IMMP2L: variants seen among roughly 807,000 people sequenced by gnomAD.
IMMP2L encodes the protein inner mitochondrial membrane peptidase subunit 2.
IMMP2L carries 18 observed loss-of-function variants against 19.3 expected under a neutral mutation model. That is an observed-to-expected ratio of 0.93 (90% CI 0.64 to 1.38). The LOEUF (loss-of-function observed/expected upper bound fraction) is 1.38, where lower values mean the gene tolerates loss of function less well. Among genes scored for constraint, IMMP2L ranks in the 40% most tolerant of loss-of-function variants. The probability of loss-of-function intolerance (pLI) is 0.00; values close to 1 mark genes in which losing one functional copy is unlikely to be tolerated. For missense variants in IMMP2L, 233 were observed against 218.2 expected (o/e 1.07, Z -0.43); for synonymous variants, 76 against 73.0 (o/e 1.04, Z -0.21).
At chr7:110,793,351 T>TG (rs908822282) in intron 5 of IMMP2L, among the ~76,000 whole-genome samples, 3 of 150,290 alleles carry the variant, frequency 2.0e-5, no homozygotes, top group Admixed American at 2.0e-4. Context: ...ATCTAGGAGG[T>TG]GGGGGTTACA....
At chr7:111,417,914 T>C (rs779038980) in intron 3 of IMMP2L, among the ~76,000 whole-genome samples, 1 of 151,892 alleles carries the variant, frequency 6.6e-6, no homozygotes, top group Non-Finnish European at 1.5e-5. Flanking sequence ...ATAAATACTA[T>C]GTCTGTGAGT....
At chr7:111,086,078 TTA>T (rs1307786110) in intron 3 of IMMP2L, among the ~76,000 whole-genome samples, 1 of 152,036 alleles carries the variant, frequency 6.6e-6, no homozygotes. Context: ...TGCCCCATGT[TTA>T]CCTTTGTAAC....
rs75852060 is a variant in IMMP2L at position 110,813,517 on chromosome 7, T to A, written c.408+73076A>T. On this transcript the variant is annotated intron_variant, in intron 5 of 5. Transcript: ENST00000405709. ...ATCATAGCACACAGTGGCCCTGATC[T>A]CCCAGGCTCAAAACATCCTCCCACT... Among the ~76,000 whole-genome samples, 358 of 151,788 alleles carry A rather than the reference T, an allele frequency of 2.4e-3. 7 individuals carry two copies. In the East Asian group the frequency reaches 0.061, roughly 26 times the overall value.
At chr7:111,266,933 GAAAGC>G (rs934282802) in intron 3 of IMMP2L, among the ~76,000 whole-genome samples, 39 of 152,276 alleles carry the variant, frequency 2.6e-4, no homozygotes, top group Non-Finnish European at 5.0e-4. Context: ...TTCAGATGAA[GAAAGC>G]AAAGTCAAGG....
intron 3 of IMMP2L, among the ~76,000 whole-genome samples, chr7:111,350,964 C>A (rs781565507): frequency 6.6e-6 from 1 of 151,900 alleles, no homozygotes; most frequent in African/African-American, 2.4e-5. Context: ...GGGTAGATGG[C>A]CAACTATTAC....
chr7:111,447,580 C>T (rs1465806611), intron 3 of IMMP2L, among the ~76,000 whole-genome samples: 4 of 149,340 alleles, frequency 2.7e-5, no homozygotes, highest in Admixed American at 1.3e-4. Context: ...AAAGGAACAA[C>T]CGGTACCAGC....
chr7:110,812,633 T>C (rs1010235506), intron 5 of IMMP2L, among the ~76,000 whole-genome samples: 2 of 151,980 alleles, frequency 1.3e-5, no homozygotes, highest in Non-Finnish European at 2.9e-5. Flanking sequence ...TGGATCAGGA[T>C]TGGGAGTTTG....
In IMMP2L at chr7:111,284,441, C is replaced by G. The variant is rs37753; in HGVS notation, c.239+202797G>C. ...CAGCATTTGGAGAGAGGGAGTAGGACTGAGAAATTGGCCAAGAAAAAAAAA... is the reference window on the plus strand; with the variant it reads ...CAGCATTTGGAGAGAGGGAGTAGGAGTGAGAAATTGGCCAAGAAAAAAAAA... On this transcript the variant is annotated intron_variant, in intron 3 of 5. Transcript: ENST00000405709. Among the ~76,000 whole-genome samples, 280 of 151,540 alleles carry G rather than the reference C, an allele frequency of 1.8e-3. 2 individuals are homozygous for G. Among genetic ancestry groups the G allele is most frequent in the African/African-American group, 6.3e-3 (259 of 41,288 alleles).
At chr7:111,468,546 C>T (rs1840903113) in intron 3 of IMMP2L, among the ~76,000 whole-genome samples, 1 of 151,832 alleles carries the variant, frequency 6.6e-6, no homozygotes, top group African/African-American at 2.4e-5. Flanking sequence ...AAGAGAATGT[C>T]TAGAGTTAAA....
chr7:110,751,762 C>G (rs1797731817), intron 5 of IMMP2L, among the ~76,000 whole-genome samples: 1 of 151,886 alleles, frequency 6.6e-6, no homozygotes, highest in African/African-American at 2.4e-5. Context: ...GCTTTCTGAT[C>G]ATGTGTAACA....
intron 3 of IMMP2L, among the ~76,000 whole-genome samples, chr7:111,333,359 G>T (rs1826063088): frequency 6.6e-6 from 1 of 151,942 alleles, no homozygotes; most frequent in Middle Eastern, 3.2e-3. Flanking sequence ...TTTAAGTGTT[G>T]TTAACCTTAC....
chr7:111,490,699 T>C (rs1843022775), intron 2 of IMMP2L, among the ~76,000 whole-genome samples: 1 of 152,128 alleles, frequency 6.6e-6, no homozygotes, highest in Non-Finnish European at 1.5e-5. Context: ...AGCAAGTTAC[T>C]TAACTTCATT....
At chr7:111,475,331 C>T (rs969292011) in intron 3 of IMMP2L, among the ~76,000 whole-genome samples, 1 of 152,014 alleles carries the variant, frequency 6.6e-6, no homozygotes. Flanking sequence ...TGGTGGGTGT[C>T]GTTTTAAGGC....
At chr7:111,510,322 C>T (rs1845318816) in intron 2 of IMMP2L, among the ~76,000 whole-genome samples, 1 of 152,198 alleles carries the variant, frequency 6.6e-6, no homozygotes, top group South Asian at 2.1e-4. Context: ...GTACATCTAC[C>T]ATCCCCTGCG....
intron 4 of IMMP2L, among the ~76,000 whole-genome samples, chr7:110,933,641 G>A (rs1815748161): frequency 6.6e-6 from 1 of 152,126 alleles, no homozygotes; most frequent in Non-Finnish European, 1.5e-5. Context: ...AGGCTGTATA[G>A]GCTGTTGGTT....
chr7:110,740,340 G>A, intron 5 of IMMP2L, among the ~76,000 whole-genome samples: 1 of 152,064 alleles, frequency 6.6e-6, no homozygotes, highest in East Asian at 1.9e-4. Context: ...GATTAACCAA[G>A]AAGACAGAGA....
At chr7:111,401,937 A>G (rs1188899403) in intron 3 of IMMP2L, among the ~76,000 whole-genome samples, 1 of 151,876 alleles carries the variant, frequency 6.6e-6, no homozygotes, top group Non-Finnish European at 1.5e-5. Flanking sequence ...CATGTTATAA[A>G]TTCAAGGTTT....
In IMMP2L at chr7:111,330,639, T is replaced by C. The variant is rs540098955; in HGVS notation, c.239+156599A>G. Among the ~76,000 whole-genome samples, 69 of 151,908 alleles carry C rather than the reference T, an allele frequency of 4.5e-4. 1 individual carries two copies. Among genetic ancestry groups the C allele is most frequent in the Middle Eastern group, 3.4e-3 (1 of 294 alleles). On this transcript the variant is annotated intron_variant, in intron 3 of 5. Transcript: ENST00000405709. ...AAACAACATACACAAGTAAAAGAAT[T>C]AGACTGGCAATAGATTTATCAAAAA...
chr7:110,724,310 T>C (rs1795757577), intron 5 of IMMP2L: 1 of 152,224 alleles, frequency 6.6e-6, no homozygotes, highest in Non-Finnish European at 1.5e-5. Flanking sequence ...AATTATTAGC[T>C]AGATCCTGCC....
Sources: allele counts gnomAD v4.1 joint callset (sites outside exome capture counted in the v4.1 genomes callset), GRCh38; gene constraint gnomAD v4.1.1; transcripts MANE v1.5; gene names NCBI Gene and HGNC (gene_info 2026-07-23, HGNC 2026-07-21).